DLG2: variants seen among roughly 807,000 people sequenced by gnomAD.
The protein encoded by DLG2 is discs large MAGUK scaffold protein 2, also known as disks large homolog 2.
In DLG2, 45 loss-of-function variants were observed where a neutral mutation model predicts 132.5. The observed-to-expected ratio is 0.34, with a 90% CI of 0.27 to 0.44. The LOEUF (loss-of-function observed/expected upper bound fraction) is 0.44. Among genes scored for constraint, DLG2 ranks in the 20% least tolerant of loss-of-function variants. DLG2 has a pLI of 1.00. For synonymous variants in DLG2, 424 were observed against 419.6 expected, an observed-to-expected ratio of 1.01 and a Z score of -0.13; for missense variants, 1,045 against 1,196.9, an observed-to-expected ratio of 0.87 and a Z score of 1.87.
At position 84,661,399 on chromosome 11, in the gene DLG2, T is replaced by C. The variant is rs568512134; in HGVS notation, c.358-126668A>G. Among the ~76,000 whole-genome samples, 33 of 152,284 alleles carry C rather than the reference T, an allele frequency of 2.2e-4. 1 individual carries two copies. The highest frequency in any genetic ancestry group is 6.3e-4 in the African/African-American group (26 of 41,578). On this transcript the variant is annotated intron_variant, in intron 6 of 27. Transcript: ENST00000376104. ...TGGGTTCTATCTCTGTATATCATCG[T>C]GGGGACCCATTTTATCCTCTGAACA...
intron 6 of DLG2, among the ~76,000 whole-genome samples, chr11:84,657,654 G>A (rs571859187): frequency 6.6e-6 from 1 of 152,228 alleles, no homozygotes; most frequent in East Asian, 1.9e-4. Flanking sequence ...CTGCTCCTAT[G>A]AGAATCTAAT....
chr11:85,181,599 T>G (rs1029603606), intron 4 of DLG2, among the ~76,000 whole-genome samples: 3 of 151,758 alleles, frequency 2.0e-5, no homozygotes, highest in African/African-American at 7.2e-5. Flanking sequence ...CTACCAATAG[T>G]TGCACTCACA....
At chr11:83,820,763 T>C (rs1037072637) in intron 17 of DLG2, among the ~76,000 whole-genome samples, 3 of 152,170 alleles carry the variant, frequency 2.0e-5, no homozygotes, top group Admixed American at 6.5e-5. Context: ...ATATGTAGTA[T>C]AGGAACAGCT....
At chr11:84,046,592 T>C (rs2096247807) in intron 11 of DLG2, among the ~76,000 whole-genome samples, 1 of 151,588 alleles carries the variant, frequency 6.6e-6, no homozygotes, top group Non-Finnish European at 1.5e-5. Context: ...CTTCCAGAAA[T>C]GTACCTAGTT....
intron 7 of DLG2, among the ~76,000 whole-genome samples, chr11:84,446,226 A>G (rs893219223): frequency 7.2e-5 from 11 of 151,880 alleles, no homozygotes; most frequent in African/African-American, 2.7e-4. Context: ...ATTTTTAGAC[A>G]TTCTATATAT....
chr11:83,510,170 G>A (rs751914623), intron 21 of DLG2, among the ~76,000 whole-genome samples: 20 of 152,054 alleles, frequency 1.3e-4, no homozygotes, highest in Admixed American at 1.0e-3. Context: ...ACAGCATTCA[G>A]ACTCTATACT....
intron 4 of DLG2, among the ~76,000 whole-genome samples, chr11:85,218,683 G>A (rs1031713479): frequency 1.3e-5 from 2 of 152,042 alleles, no homozygotes; most frequent in African/African-American, 4.8e-5. Context: ...TTAAAACAGA[G>A]CTACCATTTG....
intron 4 of DLG2, among the ~76,000 whole-genome samples, chr11:85,205,570 A>G (rs2081829209): frequency 6.6e-6 from 1 of 152,178 alleles, no homozygotes; most frequent in South Asian, 2.1e-4. Context: ...AAACAGATAA[A>G]TGTTTGGGGT....
chr11:85,442,559 G>T (rs1405713220), intron 3 of DLG2, among the ~76,000 whole-genome samples: 2 of 152,110 alleles, frequency 1.3e-5, no homozygotes, highest in Non-Finnish European at 2.9e-5. Context: ...TAGCAAAAGA[G>T]AAATTAAAAG....
intron 6 of DLG2, among the ~76,000 whole-genome samples, chr11:84,816,429 G>C (rs893904284): frequency 6.6e-6 from 1 of 151,610 alleles, no homozygotes; most frequent in Non-Finnish European, 1.5e-5. Flanking sequence ...TCTTAAGGCC[G>C]TTTGAAATCT....
intron 7 of DLG2, among the ~76,000 whole-genome samples, chr11:84,274,495 G>A (rs907449991): frequency 6.6e-6 from 1 of 152,096 alleles, no homozygotes; most frequent in African/African-American, 2.4e-5. Context: ...TAACATACAC[G>A]AAATATTTTC....
chr11:85,512,702 T>A (rs903649139), intron 3 of DLG2, among the ~76,000 whole-genome samples: 3 of 152,038 alleles, frequency 2.0e-5, no homozygotes, highest in African/African-American at 7.2e-5. Flanking sequence ...CAGATGTTGG[T>A]GAGGTTGCAG....
intron 4 of DLG2, among the ~76,000 whole-genome samples, chr11:85,217,364 A>T (rs1375953336): frequency 6.6e-6 from 1 of 150,762 alleles, no homozygotes; most frequent in Non-Finnish European, 1.5e-5. Context: ...AATCATGCAC[A>T]CAGAGTCAAT....
chr11:84,760,716 C>T (rs1395606311), intron 6 of DLG2, among the ~76,000 whole-genome samples: 1 of 152,096 alleles, frequency 6.6e-6, no homozygotes, highest in African/African-American at 2.4e-5. Context: ...CTCTGCAGTC[C>T]TGTATATACT....
intron 6 of DLG2, among the ~76,000 whole-genome samples, chr11:85,010,074 C>A (rs572755551): frequency 6.6e-6 from 1 of 151,874 alleles, no homozygotes; most frequent in Non-Finnish European, 1.5e-5. Context: ...TACCTATAGT[C>A]AAAAAAATTC....
rs55650627 is a variant in DLG2 at position 84,278,047 on chromosome 11, G to GTTTTTTTTTTTTTTTTTTTTTTTTTTTT, written c.520-26757_520-26756insAAAAAAAAAAAAAAAAAAAAAAAAAAAA. On this transcript the variant is annotated intron_variant, in intron 7 of 27. Coordinates refer to ENST00000376104, the MANE Select transcript of DLG2 (RefSeq NM_001142699.3). ...TAGCTGGGACCACACGCCTGGCTAA[G>GTTTTTTTTTTTTTTTTTTTTTTTTTTTT]TTTTTTTTTTTTTTTTTTTTTTTTG... Among the ~76,000 whole-genome samples, 3 of 99,608 alleles carry GTTTTTTTTTTTTTTTTTTTTTTTTTTTT rather than the reference G, an allele frequency of 3.0e-5. 1 individual carries two copies. The highest frequency in any genetic ancestry group is 3.9e-5 in the Non-Finnish European group (2 of 50,920). 65.3% of individuals were successfully genotyped at this position (99,608 alleles called of 152,430 possible).
At chr11:84,296,033 T>C (rs906505598) in intron 7 of DLG2, among the ~76,000 whole-genome samples, 1 of 152,182 alleles carries the variant, frequency 6.6e-6, no homozygotes, top group Non-Finnish European at 1.5e-5. Flanking sequence ...TGACAAAATG[T>C]GGTTTATCAA....
At chr11:84,032,982 GA>G (rs1038115181) in intron 11 of DLG2, among the ~76,000 whole-genome samples, 1 of 152,116 alleles carries the variant, frequency 6.6e-6, no homozygotes, top group African/African-American at 2.4e-5. Context: ...GCACTGGTCA[GA>G]AAAAAAGATT....
intron 6 of DLG2, among the ~76,000 whole-genome samples, chr11:84,821,861 G>A (rs145883700): frequency 9.2e-5 from 14 of 151,802 alleles, no homozygotes; most frequent in Admixed American, 3.9e-4. Flanking sequence ...GGAGATTACA[G>A]GATGGAAAAC....
Sources: gnomAD v4.1 joint callset for allele counts (sites outside exome capture counted in the v4.1 genomes callset) on GRCh38, gnomAD v4.1.1 for gene constraint, MANE v1.5 for transcripts, NCBI Gene and HGNC (gene_info 2026-07-23, HGNC 2026-07-21) for gene names.